Variants in DNM2 observed in about 807,000 individuals in gnomAD.
The protein encoded by DNM2 is dynamin-2.
DNM2 carries 15 observed loss-of-function variants against 99.0 expected under a neutral mutation model. That is an observed-to-expected ratio of 0.15 (90% CI 0.10 to 0.23). The LOEUF is 0.23. Among genes scored for constraint, DNM2 ranks in the 10% least tolerant of loss-of-function variants. DNM2 has a pLI of 1.00. For synonymous variants in DNM2, 525 were observed against 481.2 expected (o/e 1.09, Z -1.19); for missense variants, 742 against 1,189.4 (o/e 0.62, Z 5.53).
intron 1 of DNM2, among the ~76,000 whole-genome samples, chr19:10,724,828 G>A (rs1459275925): frequency 1.3e-5 from 2 of 152,144 alleles, no homozygotes; most frequent in East Asian, 1.9e-4. Context: ...GCATGTAGGC[G>A]CCCCGTGCCA....
In DNM2 at chr19:10,796,789, G is replaced by C. The variant is rs139562815; in HGVS notation, c.1197-591G>C. Among the ~76,000 whole-genome samples the C allele has an allele frequency of 6.6e-6, 1 of 151,940 alleles. No homozygotes were observed. The highest frequency in any genetic ancestry group is 2.4e-5 in the African/African-American group (1 of 41,364). On this transcript the variant is annotated intron_variant, in intron 9 of 20. Transcript: ENST00000389253. This position sits in a 1 kb window ranked among gnomAD's most constrained non-coding sequence, Gnocchi z 5.6. ...AGTCACAGTGCCTCTATGCGCTCTC[G>C]ACGAGCCACTGCCTCCACTCAGCAG...
intron 1 of DNM2, among the ~76,000 whole-genome samples, chr19:10,753,206 A>G (rs2070260590): frequency 6.6e-6 from 1 of 152,176 alleles, no homozygotes; most frequent in African/African-American, 2.4e-5. Context: ...TTGAATAGCT[A>G]TTAGCTACTC....
chr19:10,742,515 C>T (rs1469064039), intron 1 of DNM2, among the ~76,000 whole-genome samples: 1 of 152,232 alleles, frequency 6.6e-6, no homozygotes, highest in Non-Finnish European at 1.5e-5. Flanking sequence ...GGGGAAGTGG[C>T]AGCCTTCATT....
chr19:10,771,175 A>G (rs2070964386), intron 2 of DNM2, among the ~76,000 whole-genome samples: 1 of 152,162 alleles, frequency 6.6e-6, no homozygotes, highest in African/African-American at 2.4e-5. Flanking sequence ...TTTACTCTGA[A>G]AATTCGAACA....
At position 10,786,616 on chromosome 19, in the gene DNM2, A is replaced by G. The variant is rs1284343549; in HGVS notation, c.902A>G (p.Gln301Arg). The G allele has an allele frequency of 6.2e-7, 1 of 1,614,070 alleles. No homozygotes were observed. The highest frequency in any genetic ancestry group is 1.3e-5 in the African/African-American group (1 of 74,932). Residue 301 changes from glutamine (Q) to arginine (R), a missense_variant, in exon 7 of 21, where the codon CAG (glutamine) becomes CGG (arginine). Gln to Arg is a conservative substitution (Grantham distance 43). Transcript: ENST00000389253. ...CTGCCGGCCCTACGTAGCAAACTAC[A>G]GAGCCAGCTGCTGTCCCTGGAGAAG... ...ESLPALRSKL[Q>R]SQLLSLEKEV...
intron 10 of DNM2, 80 bp from the exon 11 acceptor site, chr19:10,798,406 C>G: frequency 8.6e-7 from 1 of 1,164,824 alleles, no homozygotes; most frequent in Non-Finnish European, 1.3e-6. Context: ...CCCCCCTCCG[C>G]ATTTTCTACC....
At chr19:10,801,672 C>T (rs1237588608) in intron 11 of DNM2, among the ~76,000 whole-genome samples, 2 of 150,608 alleles carry the variant, frequency 1.3e-5, no homozygotes, top group Non-Finnish European at 2.9e-5. Flanking sequence ...TTTGAGAGGC[C>T]GAGGCGGGCG....
At chr19:10,727,514 C>T (rs971520218) in intron 1 of DNM2, among the ~76,000 whole-genome samples, 9 of 151,974 alleles carry the variant, frequency 5.9e-5, no homozygotes, top group South Asian at 2.1e-4. Flanking sequence ...CACAGGTGTG[C>T]GCCACCACCC....
At chr19:10,763,940 G>A (rs1078654) in intron 2 of DNM2, among the ~76,000 whole-genome samples, 1 of 151,858 alleles carries the variant, frequency 6.6e-6, no homozygotes, top group African/African-American at 2.4e-5. Flanking sequence ...CTGGTGGTGC[G>A]GGCAGATGCC....
intron 5 of DNM2, among the ~76,000 whole-genome samples, chr19:10,777,905 A>G (rs749621525): frequency 2.6e-5 from 4 of 151,730 alleles, no homozygotes; most frequent in Non-Finnish European, 5.9e-5. Flanking sequence ...TATTATGAGC[A>G]TTTTCAAACA....
At position 10,817,407 on chromosome 19, in the gene DNM2, A is replaced by G. The variant is rs767539578; in HGVS notation, c.1672-2573A>G. ...CGAGTTTGGGGGGCCTGTCTCGACG[A>G]GCCGCTCACCCAAGCCCAGCCTAAC... is the stretch of plus-strand genomic sequence containing the variant. On this transcript the variant is annotated intron_variant, in intron 15 of 20. Coordinates refer to ENST00000389253, the MANE Select transcript of DNM2 (RefSeq NM_001005361.3). The surrounding 1 kb of genome is among the most constrained non-coding windows in gnomAD (Gnocchi z 4.6). 1 of 504,328 alleles carries G rather than the reference A, an allele frequency of 2.0e-6. No individual in the cohort carries two copies. Among genetic ancestry groups the G allele is most frequent in the East Asian group, 6.0e-5 (1 of 16,750 alleles). 31.2% of individuals were successfully genotyped at this position (504,328 alleles called of 1,614,324 possible).
chr19:10,771,694 C>T (rs2070985628), intron 2 of DNM2, among the ~76,000 whole-genome samples: 1 of 152,208 alleles, frequency 6.6e-6, no homozygotes, highest in South Asian at 2.1e-4. Flanking sequence ...GGCTCTGCAG[C>T]ATCACCTTAA....
Position 10,819,962 on chromosome 19 carries a change from T to C in DNM2, c.1672-18T>C. On this transcript the variant is annotated intron_variant, in intron 15 of 20. Transcript: ENST00000389253. ...TCACGTGGACCGCTCAGGGTGACTC[T>C]TTTCCCTCCACCCTCAGGAGAAAGA... The C allele has an allele frequency of 6.2e-7, 1 of 1,612,790 alleles. No individual in the cohort carries two copies. Among genetic ancestry groups the C allele is most frequent in the Non-Finnish European group, 8.5e-7 (1 of 1,178,854 alleles).
rs1433644110 is a variant in DNM2, at chr19:10,830,086, T to TC, written c.2292-39dup. On this transcript the variant is annotated intron_variant, in intron 19 of 20. Transcript: ENST00000389253. This position sits in a 1 kb window ranked among gnomAD's most constrained non-coding sequence, Gnocchi z 4.8. ...ACAGTGGCATGGCGGGGGCTCCTACTCCATCTGTATCTGTAGCTCACACCC... is the reference window on the plus strand; with the variant it reads ...ACAGTGGCATGGCGGGGGCTCCTACTCCCATCTGTATCTGTAGCTCACACCC... The TC allele has an allele frequency of 1.2e-6, 2 of 1,613,410 alleles. No individual in the cohort carries two copies. The highest frequency in any genetic ancestry group is 8.5e-7 in the Non-Finnish European group (1 of 1,179,656).
intron 1 of DNM2, among the ~76,000 whole-genome samples, chr19:10,720,997 T>C (rs4334414): frequency 0.084 from 12,719 of 152,024 alleles, 559 homozygotes; most frequent in Middle Eastern, 0.11. Flanking sequence ...GAGTTAGGTG[T>C]TCTGGGTTGG....
intron 2 of DNM2, among the ~76,000 whole-genome samples, chr19:10,761,352 A>G (rs190893787): frequency 9.9e-5 from 15 of 152,070 alleles, no homozygotes; most frequent in Non-Finnish European, 1.6e-4. Flanking sequence ...AGTATGGCCT[A>G]TGTGTGGATT....
chr19:10,793,975 G>T, intron 8 of DNM2, 120 bp downstream of exon 8: 7 of 1,530,206 alleles, frequency 4.6e-6, no homozygotes, highest in Non-Finnish European at 6.3e-6. Flanking sequence ...CTGAACTTGT[G>T]GTGGGCAGGG....
intron 7 of DNM2, 116 bp from the exon 8 acceptor site, chr19:10,793,604 C>T: frequency 2.5e-6 from 4 of 1,586,238 alleles, no homozygotes; most frequent in Non-Finnish European, 8.7e-7. Context: ...AGACAGAAGA[C>T]ATTTTGCTGC....
At chr19:10,826,188 G>A (rs758675262) in intron 18 of DNM2, among the ~76,000 whole-genome samples, 13 of 152,158 alleles carry the variant, frequency 8.5e-5, no homozygotes, top group East Asian at 7.7e-4. Flanking sequence ...GCAGGTGTGC[G>A]CCTTCTCTGA....
Sources: allele counts gnomAD v4.1 joint callset (sites outside exome capture counted in the v4.1 genomes callset), GRCh38; gene constraint gnomAD v4.1.1; non-coding constraint Gnocchi (gnomAD v3.1); transcripts MANE v1.5; gene names NCBI Gene and HGNC (gene_info 2026-07-23, HGNC 2026-07-21).